Variants in PLAAT1 observed in about 807,000 individuals in gnomAD.
PLAAT1 encodes phospholipase A and acyltransferase 1.
In PLAAT1, 13 loss-of-function variants were observed where a neutral mutation model predicts 16.4. The ratio of observed to expected loss-of-function variants is 0.79; its 90% confidence interval spans 0.52 to 1.26. The LOEUF (loss-of-function observed/expected upper bound fraction) is 1.26, where lower values mean the gene tolerates loss of function less well. Ranked by LOEUF, PLAAT1 falls within the 50% of genes most tolerant of loss-of-function variation. The pLI, the probability that PLAAT1 is intolerant of heterozygous loss-of-function variation, is 0.00. For missense variants in PLAAT1, 218 were observed against 207.8 expected, an observed-to-expected ratio of 1.05 and a Z score of -0.30; for synonymous variants, 73 against 78.4, an observed-to-expected ratio of 0.93 and a Z score of 0.36.
downstream of PLAAT1, among the ~76,000 whole-genome samples, chr3:193,272,472 A>AG (rs1553807747): frequency 2.0e-5 from 3 of 151,178 alleles, no homozygotes; most frequent in Non-Finnish European, 4.4e-5. Flanking sequence ...AAACAAAAAA[A>AG]CCCAGTTTTC....
intron 1 of PLAAT1, among the ~76,000 whole-genome samples, chr3:193,241,977 G>T (rs566007195): frequency 6.6e-5 from 10 of 152,168 alleles, no homozygotes; most frequent in Non-Finnish European, 1.3e-4. Flanking sequence ...CTTGTGCGAG[G>T]CACTCTCACC....
At chr3:193,256,729 C>T (rs936401989) in intron 2 of PLAAT1, among the ~76,000 whole-genome samples, 1 of 152,066 alleles carries the variant, frequency 6.6e-6, no homozygotes, top group Non-Finnish European at 1.5e-5. Context: ...GGGTTCGTAT[C>T]CTCTGACCCT....
downstream of PLAAT1, among the ~76,000 whole-genome samples, chr3:193,279,860 A>G (rs1038998715): frequency 6.6e-6 from 1 of 151,642 alleles, no homozygotes; most frequent in African/African-American, 2.4e-5. Context: ...TCTGGTCCCA[A>G]TCAGCCTTTC....
chr3:193,241,099 G>A, upstream of PLAAT1: 1 of 804,574 alleles, frequency 1.2e-6, no homozygotes, highest in Non-Finnish European at 1.6e-6. Flanking sequence ...GCGTCGGGGC[G>A]CGAGAAGGTG....
chr3:193,275,688 G>T (rs1717164130), downstream of PLAAT1, among the ~76,000 whole-genome samples: 1 of 152,162 alleles, frequency 6.6e-6, no homozygotes, highest in African/African-American at 2.4e-5. Context: ...AGCGTTTGTT[G>T]AATAAAGTGT....
intron 3 of PLAAT1, among the ~76,000 whole-genome samples, chr3:193,265,810 A>G (rs1716759012): frequency 6.6e-6 from 1 of 152,210 alleles, no homozygotes; most frequent in African/African-American, 2.4e-5. Context: ...TTTGAGCTAG[A>G]ACATAGAGGG....
chr3:193,262,446 G>A (rs1054083939), intron 2 of PLAAT1, among the ~76,000 whole-genome samples: 3 of 151,412 alleles, frequency 2.0e-5, no homozygotes, highest in African/African-American at 4.9e-5. Flanking sequence ...TGCGGGTTTC[G>A]GAATAGGAAA....
intron 2 of PLAAT1, among the ~76,000 whole-genome samples, chr3:193,262,552 A>G (rs1191550090): frequency 6.6e-6 from 1 of 152,132 alleles, no homozygotes; most frequent in Non-Finnish European, 1.5e-5. Flanking sequence ...TGTACCCTAC[A>G]GTATTAATTT....
intron 1 of PLAAT1, among the ~76,000 whole-genome samples, chr3:193,250,912 G>A (rs528833312): frequency 7.0e-6 from 1 of 142,844 alleles, no homozygotes; most frequent in East Asian, 2.3e-4. Context: ...GAAAAGGTTT[G>A]GGAGTGCCAT....
Position 193,270,606 on chromosome 3 carries a change from C to A in PLAAT1, c.408C>A (p.Ala136=). 1 of 1,611,346 alleles carries A rather than the reference C, an allele frequency of 6.2e-7. No homozygotes were observed. Among genetic ancestry groups the A allele is most frequent in the East Asian group, 2.2e-5 (1 of 44,844 alleles). Residue 136 remains alanine (A), a splice_region_variant and synonymous_variant, in exon 4 of 4, where the codon GCC becomes GCA. Transcript: ENST00000264735. ...GTTTACTTCTTGTTTCCTTATAGGC[C>A]AACCGAGCGATAAGTACCGTTGAGT... is the stretch of plus-strand genomic sequence containing the variant. ...LRYGEGVSEQ[A]NRAISTVEFV...
downstream of PLAAT1, among the ~76,000 whole-genome samples, chr3:193,279,800 T>A (rs1717397652): frequency 6.6e-6 from 1 of 151,944 alleles, no homozygotes. Context: ...CCCCGTTGCC[T>A]GGAGAATAAA....
intron 1 of PLAAT1, among the ~76,000 whole-genome samples, chr3:193,253,517 C>T (rs1296611940): frequency 6.6e-6 from 1 of 152,114 alleles, no homozygotes; most frequent in Non-Finnish European, 1.5e-5. Flanking sequence ...TTATCAGCTC[C>T]CAAAGGGTTA....
At chr3:193,274,737 A>G (rs1156689420), downstream of PLAAT1, 1 of 327,702 alleles carries the variant, frequency 3.1e-6, no homozygotes, top group African/African-American at 2.1e-5. Flanking sequence ...TGATGTTCAT[A>G]CTACTAATTT....
chr3:193,253,336 T>G (rs531416209), intron 1 of PLAAT1, among the ~76,000 whole-genome samples: 29 of 152,292 alleles, frequency 1.9e-4, no homozygotes, highest in Non-Finnish European at 4.0e-4. Context: ...TGAAAATTTG[T>G]TAAATATATT....
downstream of PLAAT1, among the ~76,000 whole-genome samples, chr3:193,271,831 T>G (rs1192130630): frequency 6.6e-6 from 1 of 152,104 alleles, no homozygotes; most frequent in Non-Finnish European, 1.5e-5. Context: ...TTAAACTGAT[T>G]TAGATTTTAC....
intron 3 of PLAAT1, among the ~76,000 whole-genome samples, chr3:193,264,126 A>C (rs1335137535): frequency 1.3e-5 from 2 of 152,202 alleles, no homozygotes; most frequent in African/African-American, 4.8e-5. Context: ...GGATAATACC[A>C]TAATATTTTA....
intron 2 of PLAAT1, among the ~76,000 whole-genome samples, chr3:193,260,028 A>G (rs1716525576): frequency 6.6e-6 from 1 of 152,216 alleles, no homozygotes; most frequent in Non-Finnish European, 1.5e-5. Flanking sequence ...AGGGAACAGA[A>G]TAGAGAACCC....
At chr3:193,260,371 A>G (rs1345230338) in intron 2 of PLAAT1, among the ~76,000 whole-genome samples, 2 of 152,202 alleles carry the variant, frequency 1.3e-5, no homozygotes, top group Non-Finnish European at 2.9e-5. Flanking sequence ...TAAGTAAACA[A>G]AAGAGCTTCT....
At chr3:193,281,217 G>A, downstream of PLAAT1, 1 of 985,332 alleles carries the variant, frequency 1.0e-6, no homozygotes, top group South Asian at 4.7e-5. Flanking sequence ...GAACGCAGAA[G>A]CTGGGAAGAA....
Sources: allele counts gnomAD v4.1 joint callset (sites outside exome capture counted in the v4.1 genomes callset), GRCh38; gene constraint gnomAD v4.1.1; transcripts MANE v1.5; gene names NCBI Gene and HGNC (gene_info 2026-07-23, HGNC 2026-07-21).